Variants in SMARCA4 observed in about 807,000 individuals in gnomAD.
The protein encoded by SMARCA4 is SWI/SNF-related matrix-associated actin-dependent regulator of chromatin subfamily A member 4.
Under a neutral mutation model 193.9 loss-of-function variants are expected in SMARCA4, and 31 were observed. That is an observed-to-expected ratio of 0.16 (90% CI 0.12 to 0.22). SMARCA4 has a LOEUF of 0.22. SMARCA4 is among the 10% of genes least tolerant of loss of function. SMARCA4 has a pLI of 1.00. For missense variants in SMARCA4, 1,148 were observed against 2,296.0 expected (o/e 0.50, Z 10.22); for synonymous variants, 942 against 933.1 (o/e 1.01, Z -0.17).
intron 15 of SMARCA4, 105 bp downstream of exon 15, chr19:11,010,636 C>T (rs963840916): frequency 1.8e-6 from 2 of 1,119,232 alleles, no homozygotes; most frequent in African/African-American, 3.0e-5. Context: ...TCACCTTTTG[C>T]TCTTTGTGGG....
In SMARCA4 at chr19:10,985,316, G is replaced by A. The variant is rs1599941069; in HGVS notation, c.266G>A (p.Arg89His). The change falls in exon 3 of 35, where the codon CGC becomes CAC. Residue 89 changes from arginine (R) to histidine (H), a missense_variant. By Grantham distance (29) the Arg-to-His change is conservative. Coordinates refer to ENST00000344626, the MANE Select transcript of SMARCA4 (RefSeq NM_003072.5). The surrounding 1 kb of genome is among the most constrained non-coding windows in gnomAD (Gnocchi z 4.5). ...GAGAAGGGCATGTCGGACGACCCGC[G>A]CTACAACCAGATGAAAGGAATGGGG... is the stretch of plus-strand genomic sequence containing the variant. ...MHEKGMSDDP[R>H]YNQMKGMGMR... The A allele has an allele frequency of 1.2e-6, 2 of 1,613,904 alleles. No homozygotes were observed. Among genetic ancestry groups the A allele is most frequent in the Non-Finnish European group, 8.5e-7 (1 of 1,180,012 alleles).
intron 29 of SMARCA4, among the ~76,000 whole-genome samples, chr19:11,035,747 C>T (rs1197760597): frequency 1.3e-5 from 2 of 152,222 alleles, no homozygotes; most frequent in Admixed American, 6.5e-5. Flanking sequence ...TTGAGTCAGT[C>T]GTGCGGTGCT....
At chr19:11,045,058 C>T (rs1202148314) in intron 30 of SMARCA4, among the ~76,000 whole-genome samples, 2 of 152,224 alleles carry the variant, frequency 1.3e-5, no homozygotes, top group African/African-American at 2.4e-5. Context: ...CGGTGGCTCA[C>T]GCCTGTAATC....
intron 21 of SMARCA4, among the ~76,000 whole-genome samples, chr19:11,025,164 T>C (rs1210735577): frequency 6.6e-6 from 1 of 152,134 alleles, no homozygotes; most frequent in Non-Finnish European, 1.5e-5. Flanking sequence ...TTGCCAGTCT[T>C]GTTTCCGTCC....
At chr19:11,018,866 G>A in intron 16 of SMARCA4, 91 bp from the exon 17 acceptor site, 1 of 1,052,490 alleles carries the variant, frequency 9.5e-7, no homozygotes, top group Non-Finnish European at 1.5e-6. Context: ...GGCCATGTTG[G>A]CCTCGCCCCT....
In SMARCA4 at chr19:11,058,153, T is replaced by C; in HGVS notation, c.4425-102T>C. 1.3e-6 allele frequency: 1 copy of C among 770,766 alleles called. No individual in the cohort carries two copies. The highest frequency in any genetic ancestry group is 2.3e-6 in the Non-Finnish European group (1 of 440,574). The allele number at this position is 770,766 out of a possible 1,614,324, so 47.7% of individuals were successfully genotyped here. A position where few individuals can be genotyped will look rare whatever the true frequency, so the allele number is the denominator to read the frequency against. Reference sequence around the variant, plus strand: ...GCAAGAAATAGCTCCTGAGCTGAGTTGGAATTTCTCATCCTTAAACAATGT... The same window carrying C: ...GCAAGAAATAGCTCCTGAGCTGAGTCGGAATTTCTCATCCTTAAACAATGT... On this transcript the variant is annotated intron_variant, in intron 30 of 34. Transcript: ENST00000344626. The surrounding 1 kb of genome is among the most constrained non-coding windows in gnomAD (Gnocchi z 5.8).
chr19:11,043,800 C>G (rs1679943259), intron 30 of SMARCA4, among the ~76,000 whole-genome samples: 1 of 152,116 alleles, frequency 6.6e-6, no homozygotes, highest in Non-Finnish European at 1.5e-5. Flanking sequence ...ATGGCAAAAC[C>G]CCATCTCTAC....
rs1568471266 is a variant in SMARCA4 at position 11,013,076 on chromosome 19, G to A, written c.2402G>A (p.Arg801His). 1 of 1,614,122 alleles carries A rather than the reference G, an allele frequency of 6.2e-7. No homozygotes were observed. The highest frequency in any genetic ancestry group is 1.7e-5 in the Admixed American group (1 of 60,016). The change falls in exon 16 of 35, where the codon CGC (arginine) becomes CAC (histidine). Residue 801 changes from arginine (R) to histidine (H), a missense_variant. Around this residue, in one of 17 missense-constraint regions of SMARCA4, gnomAD observed 54 missense variants for 123.3 expected, o/e 0.44. Coordinates refer to ENST00000344626, the MANE Select transcript of SMARCA4 (RefSeq NM_003072.5). The part of the protein sequence containing the change: ...ALITYLMEHK[R>H]INGPFLIIVP... ...ATCACGTACCTCATGGAGCACAAAC[G>A]CATCAATGGGCCCTTCCTCATCATC...
At chr19:10,963,900 A>T (rs2084010650) in intron 1 of SMARCA4, among the ~76,000 whole-genome samples, 1 of 151,820 alleles carries the variant, frequency 6.6e-6, no homozygotes, top group African/African-American at 2.4e-5. Flanking sequence ...GAGCCACTGC[A>T]CTCCAGCCTG....
chr19:11,028,992 G>A (rs1377573630), intron 24 of SMARCA4, among the ~76,000 whole-genome samples: 2 of 152,118 alleles, frequency 1.3e-5, no homozygotes, highest in Non-Finnish European at 2.9e-5. Context: ...GTGTTTGCTG[G>A]GCCAACCTGC....
Position 10,995,762 on chromosome 19 carries a change from C to T in SMARCA4, c.1594-451C>T, listed in dbSNP as rs546521009. On this transcript the variant is annotated intron_variant, in intron 9 of 34. Transcript: ENST00000344626. ...AGGTGGGAGGTGGGACCTTTCAGAC[C>T]ATTGGGAGGACTCTGGGTTGAGTTC... Among the ~76,000 whole-genome samples the T allele has an allele frequency of 1.5e-4, 23 of 152,166 alleles. No homozygotes were observed. In the South Asian group the frequency reaches 3.1e-3, roughly 21 times the overall value.
At chr19:11,029,593 G>A (rs570609929) in intron 24 of SMARCA4, among the ~76,000 whole-genome samples, 2 of 152,400 alleles carry the variant, frequency 1.3e-5, no homozygotes, top group East Asian at 3.9e-4. Flanking sequence ...GGGTGGGACG[G>A]CAGGTGGATG....
chr19:11,020,311 A>G (rs1160171828), intron 18 of SMARCA4, among the ~76,000 whole-genome samples: 1 of 152,144 alleles, frequency 6.6e-6, no homozygotes, highest in Non-Finnish European at 1.5e-5. Flanking sequence ...TCTGCCTCCA[A>G]AAACTCATGT....
At chr19:10,963,451 T>G (rs973234327) in intron 1 of SMARCA4, among the ~76,000 whole-genome samples, 2 of 151,912 alleles carry the variant, frequency 1.3e-5, no homozygotes, top group Non-Finnish European at 2.9e-5. Context: ...GTTAGTTGTT[T>G]GAACAGTTTT....
chr19:10,993,552 T>C (rs1270485366), intron 8 of SMARCA4, among the ~76,000 whole-genome samples: 1 of 152,208 alleles, frequency 6.6e-6, no homozygotes, highest in Non-Finnish European at 1.5e-5. Flanking sequence ...TTTTGAGACA[T>C]TTCACATCCG....
At chr19:11,046,388 C>A (rs1480933108) in intron 30 of SMARCA4, among the ~76,000 whole-genome samples, 2 of 152,164 alleles carry the variant, frequency 1.3e-5, no homozygotes, top group African/African-American at 2.4e-5. Flanking sequence ...TACCTGGGAT[C>A]CATGTGGGAG....
Position 11,024,076 on chromosome 19 carries a change from G to A in SMARCA4, c.2974-255G>A, listed in dbSNP as rs118107587. Among the ~76,000 whole-genome samples the A allele has an allele frequency of 0.041, 6,270 of 152,274 alleles. 160 individuals carry two copies. The highest frequency in any genetic ancestry group is 0.062 in the Non-Finnish European group (4,195 of 68,014). ...TTGGCTCTTTGTTTCCTGGCTGGCT[G>A]TAGAGAGGCCCCCAGAAGATGGCTG... On this transcript the variant is annotated intron_variant, in intron 20 of 34. Coordinates refer to ENST00000344626, the MANE Select transcript of SMARCA4 (RefSeq NM_003072.5).
intron 22 of SMARCA4, 71 bp downstream of exon 22, chr19:11,025,579 C>G (rs1291936678): frequency 1.9e-6 from 2 of 1,041,172 alleles, no homozygotes; most frequent in East Asian, 2.4e-5. Flanking sequence ...CTGGCTTCTC[C>G]TCGACAGCTC....
rs761723098 is a variant in SMARCA4, at chr19:10,987,967, C to T, written c.1118+43C>T. 3.7e-6 allele frequency: 6 copies of T among 1,604,762 alleles called. No homozygotes were observed. The highest frequency in any genetic ancestry group is 2.2e-5 in the East Asian group (1 of 44,754). ...TTGCCAAGGTCACTGCCCTGTGTCC[C>T]CCATGTCCCCCTGGGGAAGCCACTC... is the stretch of plus-strand genomic sequence containing the variant. On this transcript the variant is annotated intron_variant, in intron 6 of 34. Transcript: ENST00000344626. The surrounding 1 kb of genome is among the most constrained non-coding windows in gnomAD (Gnocchi z 5.3).
Sources: gnomAD v4.1 joint callset for allele counts (sites outside exome capture counted in the v4.1 genomes callset) on GRCh38, gnomAD v4.1.1 for gene constraint, gnomAD v4.1.1 regional missense constraint, Gnocchi (gnomAD v3.1) non-coding constraint, MANE v1.5 for transcripts, NCBI Gene and HGNC (gene_info 2026-07-23, HGNC 2026-07-21) for gene names.